Variants in CCDC88C observed in about 807,000 individuals in gnomAD.
CCDC88C encodes coiled-coil and HOOK domain protein 88C, also known as protein Daple.
Under a neutral mutation model 198.8 loss-of-function variants are expected in CCDC88C, and 131 were observed. That is an observed-to-expected ratio of 0.66 (90% CI 0.57 to 0.76). The LOEUF (loss-of-function observed/expected upper bound fraction) is 0.76, where lower values mean the gene tolerates loss of function less well. Among genes scored for constraint, CCDC88C ranks in the 30% least tolerant of loss-of-function variants. CCDC88C has a pLI of 0.00. For synonymous variants in CCDC88C, 1,166 were observed against 1,114.7 expected (o/e 1.05, Z -0.92); for missense variants, 2,553 against 2,631.6 (o/e 0.97, Z 0.65).
Position 91,289,242 on chromosome 14 carries a change from C to A in CCDC88C, c.4304G>T (p.Trp1435Leu). 6.2e-7 allele frequency: 1 copy of A among 1,614,060 alleles called. No homozygotes were observed. The highest frequency in any genetic ancestry group is 2.2e-5 in the East Asian group (1 of 44,882). The change falls in exon 25 of 30, where the codon TGG (tryptophan) becomes TTG (leucine). Residue 1435 changes from tryptophan to leucine, a missense_variant. Coordinates refer to ENST00000389857, the MANE Select transcript of CCDC88C (RefSeq NM_001080414.4). Reference protein sequence around the residue: ...RLKSTVDSPPWQLESSDPASP... With the variant: ...RLKSTVDSPPLQLESSDPASP... ...GGCGGGGTCTGAGGACTCCAGCTGC[C>A]AGGGAGGGCTGTCCACGGTGGATTT...
chr14:91,386,430 C>G (rs932496519), intron 3 of CCDC88C, among the ~76,000 whole-genome samples: 1 of 152,014 alleles, frequency 6.6e-6, no homozygotes, highest in Non-Finnish European at 1.5e-5. Context: ...CTTTGCAGTC[C>G]GGCCCGGGAA....
At chr14:91,388,638 C>G (rs1424167173) in intron 3 of CCDC88C, among the ~76,000 whole-genome samples, 3 of 152,198 alleles carry the variant, frequency 2.0e-5, no homozygotes, top group African/African-American at 4.8e-5. Flanking sequence ...GAAACACACA[C>G]AGCGAGCTGT....
intron 6 of CCDC88C, among the ~76,000 whole-genome samples, chr14:91,340,354 A>C (rs2081829809): frequency 6.6e-6 from 1 of 152,262 alleles, no homozygotes; most frequent in South Asian, 2.1e-4. Flanking sequence ...CAAAGAAGGA[A>C]AGCTTCAGGG....
In CCDC88C at chr14:91,299,946, G is replaced by A. The variant is rs759281094; in HGVS notation, c.3760C>T (p.Leu1254=). The A allele has an allele frequency of 5.0e-6, 8 of 1,590,434 alleles. No individual in the cohort carries two copies. The Admixed American group carries it at 5.2e-5, about 10-fold the overall frequency. Residue 1254 remains leucine (L), a synonymous_variant, in exon 21 of 30, where the codon CTG becomes TTG. Transcript: ENST00000389857. Reference sequence around the variant, plus strand: ...GCTCACCTGTCCAGCTCGCCCCGCAGCCTCTGGTTCTCGCCCATGGCGAGG... The same window carrying A: ...GCTCACCTGTCCAGCTCGCCCCGCAACCTCTGGTTCTCGCCCATGGCGAGG... ...NALAMGENQR[L]RGELDRVNFL...
intron 4 of CCDC88C, among the ~76,000 whole-genome samples, chr14:91,353,630 G>A (rs1464100939): frequency 6.6e-6 from 1 of 152,220 alleles, no homozygotes; most frequent in Non-Finnish European, 1.5e-5. Flanking sequence ...TCCTCAGCCG[G>A]TGCAGTAGAT....
At chr14:91,326,357 C>T (rs865861984) in intron 10 of CCDC88C, among the ~76,000 whole-genome samples, 1 of 152,250 alleles carries the variant, frequency 6.6e-6, no homozygotes, top group South Asian at 2.1e-4. Context: ...CAATTACAGG[C>T]GCCTGCTATC....
intron 29 of CCDC88C, among the ~76,000 whole-genome samples, chr14:91,276,474 C>T (rs1196088679): frequency 6.6e-6 from 1 of 152,250 alleles, no homozygotes; most frequent in Non-Finnish European, 1.5e-5. Context: ...CTGGGCACAG[C>T]ACATGCAGGC....
At chr14:91,336,424 A>G (rs1567083680) in intron 10 of CCDC88C, among the ~76,000 whole-genome samples, 1 of 152,038 alleles carries the variant, frequency 6.6e-6, no homozygotes, top group Non-Finnish European at 1.5e-5. Context: ...TCCATCCATG[A>G]CCCCACTCTG....
chr14:91,396,327 G>GT (rs1012437056), intron 3 of CCDC88C, among the ~76,000 whole-genome samples: 1 of 152,286 alleles, frequency 6.6e-6, no homozygotes, highest in Admixed American at 6.5e-5. Context: ...AGAAACCTCT[G>GT]TTTTTTCTTT....
At chr14:91,295,941 G>A (rs1179350408) in intron 22 of CCDC88C, among the ~76,000 whole-genome samples, 1 of 152,184 alleles carries the variant, frequency 6.6e-6, no homozygotes, top group Non-Finnish European at 1.5e-5. Context: ...CGTAGATACT[G>A]GGAATGAGCC....
At chr14:91,323,872 A>G (rs1892461673) in intron 12 of CCDC88C, among the ~76,000 whole-genome samples, 3 of 152,266 alleles carry the variant, frequency 2.0e-5, no homozygotes, top group Admixed American at 2.0e-4. Context: ...CAGACAGCTA[A>G]CTTCTCACAC....
chr14:91,330,802 C>A (rs543540137), intron 10 of CCDC88C, among the ~76,000 whole-genome samples: 1 of 152,038 alleles, frequency 6.6e-6, no homozygotes, highest in East Asian at 1.9e-4. Context: ...AGGCCTGGAG[C>A]GCAAGACAGA....
chr14:91,331,476 C>A (rs1892822884), intron 10 of CCDC88C, among the ~76,000 whole-genome samples: 1 of 152,210 alleles, frequency 6.6e-6, no homozygotes, highest in South Asian at 2.1e-4. Flanking sequence ...GCTCCTGCCC[C>A]ACCCCGTTCC....
At position 91,293,429 on chromosome 14, in the gene CCDC88C, C is replaced by G. The variant is rs1469311981; in HGVS notation, c.4112+744G>C. Among the ~76,000 whole-genome samples, 15 of 144,040 alleles carry G rather than the reference C, an allele frequency of 1.0e-4. No individual in the cohort carries two copies. In the South Asian group the frequency reaches 1.1e-3, roughly 11 times the overall value. 94.5% of individuals were successfully genotyped at this position (144,040 alleles called of 152,430 possible). A position where few individuals can be genotyped will look rare whatever the true frequency, so the allele number is the denominator to read the frequency against. On this transcript the variant is annotated intron_variant, in intron 23 of 29. Coordinates refer to ENST00000389857, the MANE Select transcript of CCDC88C (RefSeq NM_001080414.4). ...CTGCCCCCTCACCTGCCACGGCCCACCTTCCCGTCCTCACCTGCCACGGTC... is the reference window on the plus strand; with the variant it reads ...CTGCCCCCTCACCTGCCACGGCCCAGCTTCCCGTCCTCACCTGCCACGGTC...
intron 2 of CCDC88C, among the ~76,000 whole-genome samples, chr14:91,412,005 T>C (rs1035741530): frequency 6.6e-6 from 1 of 150,826 alleles, no homozygotes; most frequent in Non-Finnish European, 1.5e-5. Context: ...CAATTCTTGC[T>C]AGAATTTTAA....
At chr14:91,362,643 C>A (rs188228228) in intron 3 of CCDC88C, among the ~76,000 whole-genome samples, 1 of 152,078 alleles carries the variant, frequency 6.6e-6, no homozygotes, top group Non-Finnish European at 1.5e-5. Flanking sequence ...TAAGAAATAA[C>A]GTTTTGCCGG....
At position 91,293,556 on chromosome 14, in the gene CCDC88C, TCGCCTGCCACGGCCCACCTTCCTGTCC is replaced by T. The variant is rs1567055885; in HGVS notation, c.4112+590_4112+616del. 1.8e-3 allele frequency among the ~76,000 whole-genome samples: 117 copies of T among 64,120 alleles called. 2 individuals are homozygous for T. The highest frequency in any genetic ancestry group is 2.7e-3 in the South Asian group (4 of 1,508). The allele number at this position is 64,120 out of a possible 152,430, so 42.1% of individuals were successfully genotyped here. ...TGCCACGGCCCACCTTCCTGTCCCC[TCGCCTGCCACGGCCCACCTTCCTGTCC>T]CCTCGCCTGCCATGGCCCACCTCCT... On this transcript the variant is annotated intron_variant, in intron 23 of 29. Transcript: ENST00000389857.
At chr14:91,342,995 C>A (rs1226427637) in intron 5 of CCDC88C, among the ~76,000 whole-genome samples, 1 of 152,180 alleles carries the variant, frequency 6.6e-6, no homozygotes, top group African/African-American at 2.4e-5. Flanking sequence ...CTCGCTGTCA[C>A]CCAGGCTGGA....
Position 91,339,676 on chromosome 14 carries a change from A to G in CCDC88C, c.624+208T>C, listed in dbSNP as rs1325750722. Among the ~76,000 whole-genome samples the G allele has an allele frequency of 2.0e-5, 3 of 152,230 alleles. No individual in the cohort carries two copies. Among genetic ancestry groups the G allele is most frequent in the Non-Finnish European group, 4.4e-5 (3 of 68,036 alleles). On this transcript the variant is annotated intron_variant, in intron 7 of 29. Coordinates refer to ENST00000389857, the MANE Select transcript of CCDC88C (RefSeq NM_001080414.4). This position sits in a 1 kb window ranked among gnomAD's most constrained non-coding sequence, Gnocchi z 5.8. ...GAGTGTACGAAGGAGGAGGGCCCCAAGCTCCGCGTCCTGATTCCCTGTATC... is the reference window on the plus strand; with the variant it reads ...GAGTGTACGAAGGAGGAGGGCCCCAGGCTCCGCGTCCTGATTCCCTGTATC...
Sources: allele counts gnomAD v4.1 joint callset (sites outside exome capture counted in the v4.1 genomes callset), GRCh38; gene constraint gnomAD v4.1.1; non-coding constraint Gnocchi (gnomAD v3.1); transcripts MANE v1.5; gene names NCBI Gene and HGNC (gene_info 2026-07-23, HGNC 2026-07-21).